The following CGNL1 variants were observed in gnomAD, a reference collection of about 807,000 sequenced individuals.
CGNL1 encodes the protein cingulin like 1.
Under a neutral mutation model 141.2 loss-of-function variants are expected in CGNL1, and 132 were observed. The ratio of observed to expected loss-of-function variants is 0.93; its 90% confidence interval spans 0.81 to 1.08. The LOEUF is 1.08. Ranked by LOEUF, CGNL1 falls within the 50% of genes least tolerant of loss-of-function variation. CGNL1 has a pLI of 0.00. For missense variants in CGNL1, 1,870 were observed against 1,588.6 expected (o/e 1.18, Z -3.01); for synonymous variants, 690 against 622.1 (o/e 1.11, Z -1.63).
At chr15:57,443,644 A>G (rs1430934125) in intron 4 of CGNL1, among the ~76,000 whole-genome samples, 1 of 152,212 alleles carries the variant, frequency 6.6e-6, no homozygotes, top group African/African-American at 2.4e-5. Flanking sequence ...CACATACGCA[A>G]TTCCCACTGG....
intron 1 of CGNL1, among the ~76,000 whole-genome samples, chr15:57,395,445 C>A (rs540419629): frequency 6.6e-5 from 10 of 152,360 alleles, no homozygotes; most frequent in African/African-American, 2.2e-4. Flanking sequence ...TAGTGATTCA[C>A]CCTTCTTGAA....
At chr15:57,391,521 ATAAATT>A (rs2062543068) in intron 1 of CGNL1, among the ~76,000 whole-genome samples, 3 of 152,196 alleles carry the variant, frequency 2.0e-5, no homozygotes, top group African/African-American at 4.8e-5. Context: ...GTGTGGGATT[ATAAATT>A]CACTGGGCTT....
intron 10 of CGNL1, among the ~76,000 whole-genome samples, chr15:57,519,414 G>T (rs1307059939): frequency 6.6e-6 from 1 of 152,140 alleles, no homozygotes; most frequent in Non-Finnish European, 1.5e-5. Flanking sequence ...CTTTCCTGGA[G>T]GGTGTTCAGC....
At chr15:57,462,652 T>C (rs1364949423) in intron 8 of CGNL1, among the ~76,000 whole-genome samples, 1 of 152,218 alleles carries the variant, frequency 6.6e-6, no homozygotes, top group African/African-American at 2.4e-5. Flanking sequence ...ATATTGTTTA[T>C]TCTGTGATGA....
At chr15:57,458,709 A>G (rs2063409513) in intron 7 of CGNL1, among the ~76,000 whole-genome samples, 1 of 152,174 alleles carries the variant, frequency 6.6e-6, no homozygotes, top group African/African-American at 2.4e-5. Flanking sequence ...CGGAAGCAAC[A>G]GTAATTCAGG....
intron 1 of CGNL1, among the ~76,000 whole-genome samples, chr15:57,416,533 G>C (rs2062851639): frequency 6.6e-6 from 1 of 152,116 alleles, no homozygotes; most frequent in Admixed American, 6.5e-5. Flanking sequence ...TGGTGTCAGG[G>C]CCTACAGCTG....
At chr15:57,479,589 A>C (rs745376010) in intron 8 of CGNL1, among the ~76,000 whole-genome samples, 1 of 152,172 alleles carries the variant, frequency 6.6e-6, no homozygotes, top group East Asian at 1.9e-4. Context: ...GCTTAAACGC[A>C]GTAGGTGGAG....
intron 1 of CGNL1, among the ~76,000 whole-genome samples, chr15:57,418,289 G>A (rs147787291): frequency 5.1e-4 from 77 of 152,264 alleles, no homozygotes; most frequent in African/African-American, 1.7e-3. Flanking sequence ...CTAAACAAGC[G>A]TAATGAATAT....
At chr15:57,457,780 C>A (rs778007600) in intron 7 of CGNL1, among the ~76,000 whole-genome samples, 11 of 152,150 alleles carry the variant, frequency 7.2e-5, no homozygotes, top group Non-Finnish European at 1.3e-4. Context: ...CATTATCTCC[C>A]ACTGGGCTCC....
chr15:57,490,399 C>T (rs763738930), intron 8 of CGNL1, among the ~76,000 whole-genome samples: 50 of 56,414 alleles, frequency 8.9e-4, no homozygotes, highest in Non-Finnish European at 1.7e-3. Context: ...GTGCTCCAAA[C>T]ACACACACAC....
At position 57,433,331 on chromosome 15, in the gene CGNL1, C is replaced by T. The variant is rs117957215; in HGVS notation, c.-15-4654C>T. Among the ~76,000 whole-genome samples, 8 of 152,292 alleles carry T rather than the reference C, an allele frequency of 5.3e-5. No individual in the cohort carries two copies. The East Asian group carries it at 1.5e-3, about 29-fold the overall frequency. Reference sequence around the variant, plus strand: ...TTATGATATTAGTAGCCTTGTCAAACCAGATAAGTTTAGAAGTTCTTCTCC... The same window carrying T: ...TTATGATATTAGTAGCCTTGTCAAATCAGATAAGTTTAGAAGTTCTTCTCC... On this transcript the variant is annotated intron_variant, in intron 1 of 18. Transcript: ENST00000281282.
At chr15:57,409,672 G>A (rs377670941) in intron 1 of CGNL1, among the ~76,000 whole-genome samples, 7 of 152,118 alleles carry the variant, frequency 4.6e-5, no homozygotes, top group East Asian at 1.9e-4. Flanking sequence ...CCGAGAGGGC[G>A]TGGAGTTGAC....
intron 7 of CGNL1, among the ~76,000 whole-genome samples, chr15:57,461,219 A>C (rs2063441611): frequency 6.6e-6 from 1 of 152,150 alleles, no homozygotes; most frequent in South Asian, 2.1e-4. Context: ...AAAAACAGGC[A>C]AAGTTGTCCT....
chr15:57,534,424 G>A (rs996637718), intron 14 of CGNL1, among the ~76,000 whole-genome samples: 1 of 152,236 alleles, frequency 6.6e-6, no homozygotes. Flanking sequence ...TTGTGAGGGA[G>A]GGCAGAGAAA....
At chr15:57,394,453 T>C (rs2062580814) in intron 1 of CGNL1, among the ~76,000 whole-genome samples, 1 of 152,146 alleles carries the variant, frequency 6.6e-6, no homozygotes, top group African/African-American at 2.4e-5. Flanking sequence ...ACGCTATTGA[T>C]TCCATTTTTA....
At chr15:57,445,489 C>A (rs1318150211) in intron 4 of CGNL1, among the ~76,000 whole-genome samples, 1 of 152,166 alleles carries the variant, frequency 6.6e-6, no homozygotes, top group East Asian at 1.9e-4. Flanking sequence ...AGAACCCTCT[C>A]CCTTAGGGAC....
At chr15:57,424,859 A>G (rs1388508133) in intron 1 of CGNL1, among the ~76,000 whole-genome samples, 1 of 152,228 alleles carries the variant, frequency 6.6e-6, no homozygotes, top group African/African-American at 2.4e-5. Flanking sequence ...CCCTGTTCAC[A>G]CCATATAAGG....
chr15:57,482,959 G>A (rs1252574691), intron 8 of CGNL1, among the ~76,000 whole-genome samples: 1 of 151,978 alleles, frequency 6.6e-6, no homozygotes, highest in Non-Finnish European at 1.5e-5. Flanking sequence ...TAATTTTTTT[G>A]TATTTTTAAT....
At chr15:57,407,867 G>A (rs974072078) in intron 1 of CGNL1, among the ~76,000 whole-genome samples, 4 of 149,690 alleles carry the variant, frequency 2.7e-5, no homozygotes, top group South Asian at 4.2e-4. Context: ...TCCTGCCCCC[G>A]CCTCCTGAGT....
Sources: gnomAD v4.1 joint callset for allele counts (sites outside exome capture counted in the v4.1 genomes callset) on GRCh38, gnomAD v4.1.1 for gene constraint, MANE v1.5 for transcripts, NCBI Gene and HGNC (gene_info 2026-07-23, HGNC 2026-07-21) for gene names.